STIM1: variants seen among roughly 807,000 people sequenced by gnomAD.
STIM1 encodes the protein stromal interaction molecule 1.
In STIM1, 25 loss-of-function variants were observed where a neutral mutation model predicts 74.7. The observed-to-expected ratio is 0.33, with a 90% CI of 0.24 to 0.47. STIM1 has a LOEUF of 0.47. Ranked by LOEUF, STIM1 falls within the 20% of genes least tolerant of loss-of-function variation. STIM1 has a pLI of 1.00. For synonymous variants in STIM1, 328 were observed against 348.8 expected (o/e 0.94, Z 0.66); for missense variants, 728 against 920.8 (o/e 0.79, Z 2.71).
rs543754759 is a variant in STIM1, at chr11:3,959,493, A to G, written c.140-8059A>G. ...ACTGATTTCATACTTGACAGGGTAG[A>G]TGGTAGTGGTAATATTATAATGGGC... is the stretch of plus-strand genomic sequence containing the variant. On this transcript the variant is annotated intron_variant, in intron 1 of 12. Transcript: ENST00000526596. Among the ~76,000 whole-genome samples the G allele has an allele frequency of 1.2e-4, 19 of 152,256 alleles. 1 individual carries two copies. In the South Asian group the frequency reaches 2.7e-3, roughly 22 times the overall value.
chr11:3,953,560 T>C (rs1297903253), intron 1 of STIM1, among the ~76,000 whole-genome samples: 1 of 152,158 alleles, frequency 6.6e-6, no homozygotes, highest in Non-Finnish European at 1.5e-5. Context: ...TCTAATCTGG[T>C]TCTGCCACTT....
intron 1 of STIM1, among the ~76,000 whole-genome samples, chr11:3,903,262 A>G (rs183845165): frequency 1.1e-4 from 16 of 152,272 alleles, no homozygotes; most frequent in African/African-American, 2.6e-4. Flanking sequence ...GCTTGTTCCT[A>G]ATCACTCTGG....
chr11:3,950,359 C>T (rs756956149), intron 1 of STIM1, among the ~76,000 whole-genome samples: 1 of 152,056 alleles, frequency 6.6e-6, no homozygotes, highest in Non-Finnish European at 1.5e-5. Flanking sequence ...GTCTTGAACT[C>T]CTGACCTCAA....
intron 1 of STIM1, among the ~76,000 whole-genome samples, chr11:3,955,387 A>G (rs1053148621): frequency 1.3e-5 from 2 of 152,228 alleles, no homozygotes; most frequent in African/African-American, 4.8e-5. Context: ...TACCTTAAAA[A>G]TATTCATGCC....
intron 3 of STIM1, among the ~76,000 whole-genome samples, chr11:4,028,161 C>T (rs1377957120): frequency 6.6e-6 from 1 of 152,098 alleles, no homozygotes; most frequent in Non-Finnish European, 1.5e-5. Context: ...TTGCTCACTG[C>T]AGCCTCTGCC....
chr11:3,902,371 C>T lies in STIM1; in HGVS notation c.139+45962C>T, dbSNP rs185375819. On this transcript the variant is annotated intron_variant, in intron 1 of 12. Coordinates refer to ENST00000526596, the MANE Select transcript of STIM1 (RefSeq NM_001382567.1). Reference sequence around the variant, plus strand: ...GAAAATAGGAGTGAGCAGAGAGCAGCGATCCCCAATCTTTTTGGCACCAGG... The same window carrying T: ...GAAAATAGGAGTGAGCAGAGAGCAGTGATCCCCAATCTTTTTGGCACCAGG... 2.3e-3 allele frequency among the ~76,000 whole-genome samples: 356 copies of T among 152,294 alleles called. 2 individuals carry two copies. The highest frequency in any genetic ancestry group is 2.8e-3 in the Non-Finnish European group (191 of 68,016).
chr11:3,911,440 TCTCA>T (rs776157130), intron 1 of STIM1, among the ~76,000 whole-genome samples: 28 of 152,150 alleles, frequency 1.8e-4, no homozygotes, highest in Admixed American at 6.6e-5. Context: ...TGAGACAGGG[TCTCA>T]CTCTGTTGCC....
intron 12 of STIM1, chr11:4,088,779 T>C: frequency 6.5e-7 from 1 of 1,530,254 alleles, no homozygotes; most frequent in African/African-American, 1.4e-5. Context: ...GCCCAGCCTT[T>C]GGGGAGGGAC....
chr11:3,858,259 T>C (rs113597940), intron 1 of STIM1, among the ~76,000 whole-genome samples: 1 of 151,686 alleles, frequency 6.6e-6, no homozygotes, highest in Admixed American at 6.6e-5. Flanking sequence ...TTTTTGTTTT[T>C]CGCCTGAAGT....
intron 3 of STIM1, among the ~76,000 whole-genome samples, chr11:4,038,394 A>G (rs1014978391): frequency 3.9e-5 from 6 of 151,958 alleles, no homozygotes; most frequent in Non-Finnish European, 2.9e-5. Flanking sequence ...AGTAGCACAT[A>G]TACCCTAAAA....
At chr11:4,049,773 A>G (rs2094225242) in intron 3 of STIM1, among the ~76,000 whole-genome samples, 1 of 146,340 alleles carries the variant, frequency 6.8e-6, no homozygotes, top group African/African-American at 2.6e-5. Flanking sequence ...CATGCTTAGA[A>G]CGTGAATGAT....
At chr11:3,946,403 C>T (rs1428963254) in intron 1 of STIM1, among the ~76,000 whole-genome samples, 9 of 152,122 alleles carry the variant, frequency 5.9e-5, no homozygotes, top group Admixed American at 5.9e-4. Context: ...CTGCTGGTTC[C>T]TATAGTACCC....
chr11:4,068,891 G>C (rs991782019), intron 5 of STIM1, among the ~76,000 whole-genome samples: 7 of 152,156 alleles, frequency 4.6e-5, no homozygotes, highest in Non-Finnish European at 7.3e-5. Flanking sequence ...GGCTCTACCT[G>C]GGTCCTTTTG....
At chr11:3,963,086 A>G (rs1317081489) in intron 1 of STIM1, among the ~76,000 whole-genome samples, 1 of 152,202 alleles carries the variant, frequency 6.6e-6, no homozygotes. Flanking sequence ...TAGGTAATTA[A>G]ATTTTAACTT....
chr11:3,952,844 A>T (rs1004799551), intron 1 of STIM1, among the ~76,000 whole-genome samples: 3 of 152,220 alleles, frequency 2.0e-5, no homozygotes, highest in African/African-American at 7.2e-5. Context: ...GGGCAGGCAA[A>T]TAGGCTGTCT....
At chr11:3,918,871 C>G (rs1284974622) in intron 1 of STIM1, among the ~76,000 whole-genome samples, 1 of 152,068 alleles carries the variant, frequency 6.6e-6, no homozygotes, top group Non-Finnish European at 1.5e-5. Context: ...TAGATGTTTA[C>G]TACATAATTA....
At chr11:3,916,273 A>G (rs1380278992) in intron 1 of STIM1, among the ~76,000 whole-genome samples, 1 of 150,342 alleles carries the variant, frequency 6.7e-6, no homozygotes, top group Non-Finnish European at 1.5e-5. Flanking sequence ...ATGTGTGCCA[A>G]TCCAGTCAGT....
At chr11:4,064,217 G>T (rs565713353) in intron 5 of STIM1, among the ~76,000 whole-genome samples, 2 of 152,230 alleles carry the variant, frequency 1.3e-5, no homozygotes, top group South Asian at 4.1e-4. Flanking sequence ...AAAATCGCCG[G>T]CTGGAATCTG....
Position 4,090,683 on chromosome 11 carries a change from A to C in STIM1, c.1635-599A>C, listed in dbSNP as rs139798418. The stretch of plus-strand genomic sequence containing the variant: ...GAGTAAGTGGGGAAGGAAGGCATGG[A>C]AAATGGTGACTCGGAGCAGGCTGTA... On this transcript the variant is annotated intron_variant, in intron 12 of 12. Coordinates refer to ENST00000526596, the MANE Select transcript of STIM1 (RefSeq NM_001382567.1). Among the ~76,000 whole-genome samples, 1,140 of 152,278 alleles carry C rather than the reference A, an allele frequency of 7.5e-3. 12 individuals are homozygous for C. The highest frequency in any genetic ancestry group is 0.011 in the Non-Finnish European group (774 of 68,012).
Sources: gnomAD v4.1 joint callset for allele counts (sites outside exome capture counted in the v4.1 genomes callset) on GRCh38, gnomAD v4.1.1 for gene constraint, MANE v1.5 for transcripts, NCBI Gene and HGNC (gene_info 2026-07-23, HGNC 2026-07-21) for gene names.